Variants in TMEM132D observed in about 807,000 individuals in gnomAD.
TMEM132D encodes mature OL transmembrane protein.
In TMEM132D, 21 loss-of-function variants were observed where a neutral mutation model predicts 62.3. That is an observed-to-expected ratio of 0.34 (90% CI 0.24 to 0.49). TMEM132D has a LOEUF of 0.49. TMEM132D is among the 20% of genes least tolerant of loss of function. The probability of loss-of-function intolerance (pLI) is 0.99; values close to 1 mark genes in which losing one functional copy is unlikely to be tolerated. For missense variants in TMEM132D, 1,346 were observed against 1,402.8 expected (o/e 0.96, Z 0.65); for synonymous variants, 621 against 575.6 (o/e 1.08, Z -1.13).
chr12:129,656,224 G>T (rs1181102937), intron 2 of TMEM132D, among the ~76,000 whole-genome samples: 1 of 151,494 alleles, frequency 6.6e-6, no homozygotes, highest in Non-Finnish European at 1.5e-5. Flanking sequence ...AAGGGAGGAA[G>T]GGAGAAAAAG....
At chr12:129,650,468 T>C (rs1879898402) in intron 2 of TMEM132D, among the ~76,000 whole-genome samples, 3 of 152,306 alleles carry the variant, frequency 2.0e-5, no homozygotes, top group South Asian at 2.1e-4. Context: ...CTAGAATAAA[T>C]GACTAGAAGA....
chr12:129,796,734 T>TG (rs1871572554), intron 1 of TMEM132D, among the ~76,000 whole-genome samples: 1 of 151,174 alleles, frequency 6.6e-6, no homozygotes, highest in South Asian at 2.1e-4. Context: ...TGTTGGAGGG[T>TG]GGGGAGTAAG....
At chr12:129,460,278 T>C (rs1391515635) in intron 3 of TMEM132D, among the ~76,000 whole-genome samples, 1 of 152,220 alleles carries the variant, frequency 6.6e-6, no homozygotes, top group Non-Finnish European at 1.5e-5. Context: ...TAGACACATC[T>C]CTGTGGATAG....
intron 4 of TMEM132D, among the ~76,000 whole-genome samples, chr12:129,327,561 T>C (rs1010139311): frequency 2.0e-5 from 3 of 152,232 alleles, no homozygotes; most frequent in African/African-American, 7.2e-5. Context: ...AAAGTTTCAC[T>C]GGACAGTGTC....
intron 4 of TMEM132D, among the ~76,000 whole-genome samples, chr12:129,248,230 T>A (rs1880174944): frequency 6.6e-6 from 1 of 152,192 alleles, no homozygotes; most frequent in South Asian, 2.1e-4. Context: ...TGAAACCGTG[T>A]CATAGGTGGC....
chr12:129,788,109 A>G (rs540611726), intron 1 of TMEM132D, among the ~76,000 whole-genome samples: 32 of 152,358 alleles, frequency 2.1e-4, no homozygotes, highest in African/African-American at 7.7e-4. Context: ...GAAATGGTGT[A>G]ATCTCTGAAT....
intron 2 of TMEM132D, among the ~76,000 whole-genome samples, chr12:129,548,963 A>C (rs780527458): frequency 3.9e-5 from 6 of 152,240 alleles, no homozygotes; most frequent in Admixed American, 6.5e-5. Flanking sequence ...AGCACCTCTG[A>C]AATTTCACAT....
intron 5 of TMEM132D, among the ~76,000 whole-genome samples, chr12:129,151,001 C>T (rs1877054035): frequency 6.6e-6 from 1 of 152,146 alleles, no homozygotes; most frequent in South Asian, 2.1e-4. Flanking sequence ...TTGTATCTGT[C>T]CCCTGGAGGA....
At chr12:129,638,869 C>T (rs920185081) in intron 2 of TMEM132D, among the ~76,000 whole-genome samples, 5 of 152,030 alleles carry the variant, frequency 3.3e-5, no homozygotes, top group Non-Finnish European at 7.3e-5. Context: ...TGCTTTCCCA[C>T]TTAGAGGGGC....
chr12:129,656,136 C>T lies in TMEM132D; in HGVS notation c.968+43674G>A, dbSNP rs113374152. On this transcript the variant is annotated intron_variant, in intron 2 of 8. Coordinates refer to ENST00000422113, the MANE Select transcript of TMEM132D (RefSeq NM_133448.3). The stretch of plus-strand genomic sequence containing the variant: ...ATTCCATTTACTATCCAGCAACTCA[C>T]GTTTCCCAAACATGCCCTATGATAA... 9.7e-3 allele frequency among the ~76,000 whole-genome samples: 1,480 copies of T among 152,134 alleles called. 21 individuals are homozygous for T. The highest frequency in any genetic ancestry group is 0.033 in the African/African-American group (1,378 of 41,488).
At chr12:129,715,888 C>T (rs544018206) in intron 1 of TMEM132D, among the ~76,000 whole-genome samples, 1 of 152,294 alleles carries the variant, frequency 6.6e-6, no homozygotes. Flanking sequence ...CCAGGCACGG[C>T]TGCACGTCAC....
chr12:129,891,546 T>G (rs539103887), intron 1 of TMEM132D, among the ~76,000 whole-genome samples: 2 of 152,356 alleles, frequency 1.3e-5, no homozygotes, highest in African/African-American at 2.4e-5. Context: ...GGCTAATATC[T>G]GTGCAAAATG....
chr12:129,526,305 CA>C (rs991960156), intron 3 of TMEM132D, among the ~76,000 whole-genome samples: 1 of 152,046 alleles, frequency 6.6e-6, no homozygotes, highest in African/African-American at 2.4e-5. Context: ...TTCCTCGAGA[CA>C]AAGTCTTTGG....
intron 1 of TMEM132D, among the ~76,000 whole-genome samples, chr12:129,723,110 G>A (rs1226825115): frequency 1.3e-5 from 2 of 152,104 alleles, no homozygotes; most frequent in South Asian, 2.1e-4. Context: ...CTCTGGAAAC[G>A]GCTTAACATG....
chr12:129,347,292 T>C (rs929338021), intron 3 of TMEM132D, among the ~76,000 whole-genome samples: 2 of 152,292 alleles, frequency 1.3e-5, no homozygotes, highest in South Asian at 2.1e-4. Context: ...AGCATCACGC[T>C]ACCTGACTTC....
intron 1 of TMEM132D, among the ~76,000 whole-genome samples, chr12:129,829,290 G>T (rs1448213011): frequency 1.3e-5 from 2 of 152,076 alleles, no homozygotes; most frequent in Non-Finnish European, 2.9e-5. Context: ...AAATACGACG[G>T]CCACAGGGAG....
chr12:129,300,178 T>C (rs753878977), intron 4 of TMEM132D, among the ~76,000 whole-genome samples: 1 of 152,186 alleles, frequency 6.6e-6, no homozygotes, highest in Non-Finnish European at 1.5e-5. Flanking sequence ...TTGAGCCAGC[T>C]ACTTAATTAA....
At chr12:129,511,552 C>T (rs1031195862) in intron 3 of TMEM132D, among the ~76,000 whole-genome samples, 17 of 152,244 alleles carry the variant, frequency 1.1e-4, no homozygotes, top group African/African-American at 2.6e-4. Context: ...TTGTAGTGGA[C>T]GTGATAGTTT....
intron 2 of TMEM132D, among the ~76,000 whole-genome samples, chr12:129,613,052 A>T (rs1258712512): frequency 6.6e-6 from 1 of 152,132 alleles, no homozygotes; most frequent in African/African-American, 2.4e-5. Flanking sequence ...CATCTGTTCT[A>T]TTTAATAACT....
Sources: allele counts gnomAD v4.1 joint callset (sites outside exome capture counted in the v4.1 genomes callset), GRCh38; gene constraint gnomAD v4.1.1; transcripts MANE v1.5; gene names NCBI Gene and HGNC (gene_info 2026-07-23, HGNC 2026-07-21).